Variants in ANK3 observed in about 807,000 individuals in gnomAD.
ANK3 encodes the protein ankyrin 3, also known as ankyrin-3.
In ANK3, 57 loss-of-function variants were observed where a neutral mutation model predicts 370.9. That is an observed-to-expected ratio of 0.15 (90% CI 0.12 to 0.19). The LOEUF (loss-of-function observed/expected upper bound fraction) is 0.19, where lower values mean the gene tolerates loss of function less well. ANK3 is among the 10% of genes least tolerant of loss of function. The pLI, the probability that ANK3 is intolerant of heterozygous loss-of-function variation, is 1.00. For synonymous variants in ANK3, 1,929 were observed against 1,946.3 expected, an observed-to-expected ratio of 0.99 and a Z score of 0.23; for missense variants, 4,439 against 5,302.1, an observed-to-expected ratio of 0.84 and a Z score of 5.06.
intron 20 of ANK3, 86 bp from the exon 21 acceptor site, chr10:60,172,489 A>C: frequency 2.0e-6 from 2 of 1,005,882 alleles, no homozygotes; most frequent in Non-Finnish European, 3.1e-6. Context: ...TGAGTGTCTC[A>C]TCAGACCCAT....
intron 43 of ANK3, among the ~76,000 whole-genome samples, chr10:60,040,096 A>T (rs146305588): frequency 6.6e-6 from 1 of 152,334 alleles, no homozygotes; most frequent in African/African-American, 2.4e-5. Flanking sequence ...AAATCACTAT[A>T]TACTATGTAC....
At chr10:60,402,338 A>C (rs1346628408) in intron 2 of ANK3, among the ~76,000 whole-genome samples, 10 of 152,196 alleles carry the variant, frequency 6.6e-5, no homozygotes. Flanking sequence ...TTTTGATGAG[A>C]CACCAAAGAA....
At chr10:60,367,039 C>T (rs1358839887) in intron 1 of ANK3, among the ~76,000 whole-genome samples, 1 of 152,172 alleles carries the variant, frequency 6.6e-6, no homozygotes, top group Non-Finnish European at 1.5e-5. Context: ...TTCCCAACAT[C>T]GTTCTAAAGA....
intron 1 of ANK3, among the ~76,000 whole-genome samples, chr10:60,336,993 C>T (rs570474209): frequency 6.2e-4 from 94 of 151,358 alleles, no homozygotes; most frequent in Non-Finnish European, 1.2e-3. Flanking sequence ...AAAGGAATTG[C>T]TGCTCAGTGG....
At chr10:60,314,940 A>C (rs2047089445) in intron 1 of ANK3, among the ~76,000 whole-genome samples, 1 of 152,266 alleles carries the variant, frequency 6.6e-6, no homozygotes, top group Non-Finnish European at 1.5e-5. Flanking sequence ...ACATGATTTT[A>C]AGTCTAAAGG....
At position 60,090,220 on chromosome 10, in the gene ANK3, A is replaced by G. The variant is rs146913284; in HGVS notation, c.3329-1862T>C. 4.6e-5 allele frequency among the ~76,000 whole-genome samples: 7 copies of G among 152,196 alleles called. No homozygotes were observed. In the East Asian group the frequency reaches 1.4e-3, roughly 29 times the overall value. On this transcript the variant is annotated intron_variant, in intron 28 of 43. Transcript: ENST00000280772. The stretch of plus-strand genomic sequence containing the variant: ...GTAATCCTAGCTACTTGGGGTGCTG[A>G]GACAGGAGAATTACTTGAACCTGGG...
At chr10:60,296,971 C>T (rs892541347) in intron 1 of ANK3, among the ~76,000 whole-genome samples, 1 of 152,030 alleles carries the variant, frequency 6.6e-6, no homozygotes, top group Non-Finnish European at 1.5e-5. Flanking sequence ...CGGAGTGAGA[C>T]CTTGTCTCAA....
intron 43 of ANK3, among the ~76,000 whole-genome samples, chr10:60,032,763 A>T (rs2073988732): frequency 6.6e-6 from 1 of 152,134 alleles, no homozygotes; most frequent in Admixed American, 6.6e-5. Flanking sequence ...AGTGGGAGTT[A>T]GTTCCTCTTA....
chr10:60,628,053 C>T (rs2078434809), intron 1 of ANK3, among the ~76,000 whole-genome samples: 1 of 152,146 alleles, frequency 6.6e-6, no homozygotes, highest in Non-Finnish European at 1.5e-5. Context: ...CGAACGCACA[C>T]AATAATATTT....
At chr10:60,219,677 A>G (rs912942557) in intron 8 of ANK3, among the ~76,000 whole-genome samples, 2 of 152,198 alleles carry the variant, frequency 1.3e-5, no homozygotes, top group African/African-American at 2.4e-5. Context: ...AGAGTTCCCC[A>G]ACTTGAAGAT....
Position 60,074,833 on chromosome 10 carries a change from C to A in ANK3, c.6048G>T (p.Val2016=). The A allele has an allele frequency of 6.2e-7, 1 of 1,613,720 alleles. No individual in the cohort carries two copies. Among genetic ancestry groups the A allele is most frequent in the Non-Finnish European group, 8.5e-7 (1 of 1,179,932 alleles). ...ASQSPSLPER[V]QVKAKAASEK... ...CGGAGGCGGCTTTTGCTTTTACTTG[C>A]ACTCTCTCTGGCAGAGATGGAGACT... The change falls in exon 37 of 44, where the codon GTG becomes GTT. Residue 2016 remains valine (V), a synonymous_variant. Coordinates refer to ENST00000280772, the MANE Select transcript of ANK3 (RefSeq NM_020987.5).
In ANK3 at chr10:60,296,266, T is replaced by C. The variant is rs142661647; in HGVS notation, c.115-16627A>G. On this transcript the variant is annotated intron_variant, in intron 1 of 43. Coordinates refer to ENST00000280772, the MANE Select transcript of ANK3 (RefSeq NM_020987.5). The stretch of plus-strand genomic sequence containing the variant: ...CCAGTGGATGACACTGTCCATAGGA[T>C]GTCCACTTAAGGTCCTTAGAAATGA... Among the ~76,000 whole-genome samples the C allele has an allele frequency of 3.1e-3, 465 of 152,312 alleles. 3 individuals are homozygous for C. Among genetic ancestry groups the C allele is most frequent in the African/African-American group, 0.011 (443 of 41,586 alleles).
chr10:60,093,528 C>T (rs2089265961), intron 28 of ANK3, among the ~76,000 whole-genome samples: 1 of 152,176 alleles, frequency 6.6e-6, no homozygotes, highest in African/African-American at 2.4e-5. Context: ...ACTGGAAGTA[C>T]TGTACACTTC....
chr10:60,682,370 A>G (rs766608518), intron 1 of ANK3, among the ~76,000 whole-genome samples: 7 of 149,720 alleles, frequency 4.7e-5, no homozygotes, highest in Non-Finnish European at 8.9e-5. Context: ...TGTTGATTTA[A>G]AACAAGAAAC....
chr10:60,218,164 C>T lies in ANK3; in HGVS notation c.898-4654G>A, dbSNP rs187736499. Among the ~76,000 whole-genome samples, 95 of 142,570 alleles carry T rather than the reference C, an allele frequency of 6.7e-4. No individual in the cohort carries two copies. The South Asian group carries it at 9.5e-3, about 14-fold the overall frequency. 93.5% of individuals were successfully genotyped at this position (142,570 alleles called of 152,430 possible). ...TTTTTCTCCATCCCTTTATTTTGAG[C>T]CTATGTGTGTCTTTGCACATGAGAT... is the stretch of plus-strand genomic sequence containing the variant. On this transcript the variant is annotated intron_variant, in intron 8 of 43. Transcript: ENST00000280772.
chr10:60,235,144 T>C (rs2097309019), intron 7 of ANK3, among the ~76,000 whole-genome samples: 1 of 152,222 alleles, frequency 6.6e-6, no homozygotes, highest in East Asian at 1.9e-4. Context: ...GACTAACAAG[T>C]AGCTGATTAA....
chr10:60,204,084 T>C (rs933365639), intron 11 of ANK3, among the ~76,000 whole-genome samples: 6 of 152,154 alleles, frequency 3.9e-5, no homozygotes, highest in Non-Finnish European at 8.8e-5. Context: ...GTCAAAAATA[T>C]ATGAAAGGAA....
intron 2 of ANK3, among the ~76,000 whole-genome samples, chr10:60,470,523 G>A (rs902304462): frequency 8.5e-5 from 13 of 152,234 alleles, no homozygotes; most frequent in African/African-American, 3.1e-4. Context: ...CAAAAATAGA[G>A]AATGTCAGAA....
intron 1 of ANK3, among the ~76,000 whole-genome samples, chr10:60,283,953 A>T (rs1311885642): frequency 1.3e-5 from 2 of 152,308 alleles, no homozygotes; most frequent in South Asian, 2.1e-4. Context: ...TAAGTAATGT[A>T]GTGGGTTGAA....
Sources: allele counts gnomAD v4.1 joint callset (sites outside exome capture counted in the v4.1 genomes callset), GRCh38; gene constraint gnomAD v4.1.1; transcripts MANE v1.5; gene names NCBI Gene and HGNC (gene_info 2026-07-23, HGNC 2026-07-21).